Variants in CUBN observed in about 807,000 individuals in gnomAD.
CUBN encodes 460 kDa receptor.
CUBN carries 282 observed loss-of-function variants against 405.3 expected under a neutral mutation model. The observed-to-expected ratio is 0.70, with a 90% CI of 0.63 to 0.77. CUBN has a LOEUF of 0.77. CUBN is among the 30% of genes least tolerant of loss of function. The pLI is 0.00. For missense variants in CUBN, 4,514 were observed against 4,475.2 expected (o/e 1.01, Z -0.25); for synonymous variants, 1,684 against 1,617.0 (o/e 1.04, Z -0.99).
At chr10:17,049,053 T>C (rs916507752) in intron 22 of CUBN, among the ~76,000 whole-genome samples, 5 of 152,180 alleles carry the variant, frequency 3.3e-5, no homozygotes, top group African/African-American at 9.7e-5. Flanking sequence ...TCCAAAAGTA[T>C]AGAAAAGTAT....
At chr10:16,893,885 G>T (rs1419120025) in intron 54 of CUBN, among the ~76,000 whole-genome samples, 1 of 152,186 alleles carries the variant, frequency 6.6e-6, no homozygotes, top group African/African-American at 2.4e-5. Context: ...TGCCCAGAGT[G>T]CAATTGGTAA....
At chr10:16,906,474 C>A in intron 49 of CUBN, 65 bp from the exon 50 acceptor site, 1 of 1,126,282 alleles carries the variant, frequency 8.9e-7, no homozygotes, top group South Asian at 1.2e-5. Context: ...AAGAGATAAA[C>A]AATACAGGAA....
At chr10:16,845,334 T>C (rs1253337423) in intron 60 of CUBN, among the ~76,000 whole-genome samples, 2 of 152,226 alleles carry the variant, frequency 1.3e-5, no homozygotes, top group African/African-American at 4.8e-5. Context: ...CACAAGAGGA[T>C]TTTGATATTC....
At chr10:16,973,164 G>A (rs1275646547) in intron 31 of CUBN, among the ~76,000 whole-genome samples, 1 of 152,144 alleles carries the variant, frequency 6.6e-6, no homozygotes, top group Non-Finnish European at 1.5e-5. Context: ...TCACGCTCCA[G>A]GGACAACACT....
chr10:16,832,017 A>G (rs578164073), intron 64 of CUBN, among the ~76,000 whole-genome samples: 1 of 152,348 alleles, frequency 6.6e-6, no homozygotes, highest in African/African-American at 2.4e-5. Context: ...TGTTTTACAA[A>G]CACATTCCGA....
chr10:17,023,437 T>C (rs1240288383), intron 27 of CUBN, among the ~76,000 whole-genome samples: 1 of 152,078 alleles, frequency 6.6e-6, no homozygotes, highest in African/African-American at 2.4e-5. Flanking sequence ...AAATCAGGTT[T>C]TTTGTTTATA....
chr10:17,014,692 T>A (rs1368513918), intron 28 of CUBN, among the ~76,000 whole-genome samples: 2 of 152,190 alleles, frequency 1.3e-5, no homozygotes, highest in South Asian at 4.1e-4. Context: ...CCTGCTGGGA[T>A]GAGGCTTCCA....
At chr10:16,950,934 T>C (rs1179499968) in intron 33 of CUBN, among the ~76,000 whole-genome samples, 1 of 152,214 alleles carries the variant, frequency 6.6e-6, no homozygotes, top group Admixed American at 6.5e-5. Flanking sequence ...ACATTTTAGC[T>C]CACTCAGTTT....
chr10:16,857,219 G>C (rs1839891273), intron 59 of CUBN, among the ~76,000 whole-genome samples: 1 of 152,078 alleles, frequency 6.6e-6, no homozygotes, highest in Non-Finnish European at 1.5e-5. Context: ...TTTGTTTTTA[G>C]TTGCTTCACT....
Position 16,928,481 on chromosome 10 carries a change from G to A in CUBN, c.6125-178C>T, listed in dbSNP as rs540572153. Among the ~76,000 whole-genome samples the A allele has an allele frequency of 6.6e-5, 10 of 151,364 alleles. 1 individual carries two copies. In the East Asian group the frequency reaches 1.8e-3, roughly 27 times the overall value. Reference sequence around the variant, plus strand: ...GGTGATATCATTCTGGCTCCAGCTTGCAATGGTGCTTCCTGCCCTTTTCTT... The same window carrying A: ...GGTGATATCATTCTGGCTCCAGCTTACAATGGTGCTTCCTGCCCTTTTCTT... On this transcript the variant is annotated intron_variant, in intron 40 of 66. Transcript: ENST00000377833.
intron 28 of CUBN, among the ~76,000 whole-genome samples, chr10:16,998,000 C>A (rs7071003): frequency 6.6e-6 from 1 of 151,614 alleles, no homozygotes; most frequent in South Asian, 2.1e-4. Context: ...CTGGAGTGAT[C>A]ACGAGATGAA....
chr10:17,044,692 A>G (rs981537661), intron 25 of CUBN, among the ~76,000 whole-genome samples: 2 of 152,170 alleles, frequency 1.3e-5, no homozygotes, highest in Non-Finnish European at 2.9e-5. Context: ...TGTCTTCTAA[A>G]TTGTGATTTT....
chr10:16,838,796 C>T (rs1157919877), intron 62 of CUBN, among the ~76,000 whole-genome samples: 1 of 152,166 alleles, frequency 6.6e-6, no homozygotes, highest in African/African-American at 2.4e-5. Context: ...AAGCGCACAC[C>T]ACTGCACCCA....
chr10:16,891,072 C>G (rs1840990189), intron 54 of CUBN, among the ~76,000 whole-genome samples: 1 of 152,210 alleles, frequency 6.6e-6, no homozygotes, highest in Non-Finnish European at 1.5e-5. Flanking sequence ...TGATGAAAAG[C>G]TGACATCCAG....
chr10:17,081,356 TTTC>T (rs1312636837), intron 17 of CUBN, among the ~76,000 whole-genome samples: 5 of 152,210 alleles, frequency 3.3e-5, no homozygotes, highest in African/African-American at 9.7e-5. Flanking sequence ...CTCTGTAGAA[TTTC>T]TTTTCTCTTC....
intron 49 of CUBN, 41 bp downstream of exon 49, chr10:16,907,467 C>T: frequency 1.2e-6 from 2 of 1,607,364 alleles, no homozygotes; most frequent in Middle Eastern, 1.7e-4. Context: ...TCTGCAGTGC[C>T]CCTGATTAAA....
intron 59 of CUBN, among the ~76,000 whole-genome samples, chr10:16,859,206 A>T (rs1417364098): frequency 6.6e-6 from 1 of 152,206 alleles, no homozygotes; most frequent in African/African-American, 2.4e-5. Flanking sequence ...ACTGGGAAAT[A>T]ACATTTGCAA....
At chr10:16,859,827 A>G (rs188869772) in intron 59 of CUBN, among the ~76,000 whole-genome samples, 122 of 152,338 alleles carry the variant, frequency 8.0e-4, no homozygotes, top group South Asian at 2.7e-3. Context: ...TAGTAATTGT[A>G]TAAAACAATA....
At chr10:16,976,837 T>C (rs558419378) in intron 31 of CUBN, among the ~76,000 whole-genome samples, 36 of 152,344 alleles carry the variant, frequency 2.4e-4, no homozygotes, top group African/African-American at 7.5e-4. Context: ...CATCTCTGCC[T>C]AGTCCCCCCA....
Sources: allele counts gnomAD v4.1 joint callset (sites outside exome capture counted in the v4.1 genomes callset), GRCh38; gene constraint gnomAD v4.1.1; transcripts MANE v1.5; gene names NCBI Gene and HGNC (gene_info 2026-07-23, HGNC 2026-07-21).